The following CELSR3 variants were observed in gnomAD, a reference collection of about 807,000 sequenced individuals.
CELSR3 encodes the protein EGF-like protein 1.
CELSR3 carries 73 observed loss-of-function variants against 270.0 expected under a neutral mutation model. That is an observed-to-expected ratio of 0.27 (90% CI 0.22 to 0.33). The LOEUF (loss-of-function observed/expected upper bound fraction) is 0.33, where lower values mean the gene tolerates loss of function less well. CELSR3 is among the 10% of genes least tolerant of loss of function. The pLI is 1.00. For missense variants in CELSR3, 3,614 were observed against 4,533.8 expected (o/e 0.80, Z 5.83); for synonymous variants, 1,780 against 1,905.4 (o/e 0.93, Z 1.71).
rs555440516 is a variant in CELSR3, at chr3:48,642,778, C to T, written c.8513G>A (p.Arg2838Gln). ...VSSVSSARSG[R>Q]TQDQDSQRGR... is the part of the protein sequence containing the mutation. ...CCGCTGGCTGTCCTGGTCCTGGGTC[C>T]GGCCGGAGCGGGCACTGCTCACAGA... The change falls in exon 30 of 35, where the codon CGG becomes CAG. Residue 2838 changes from arginine to glutamine, a missense_variant. Coordinates refer to ENST00000164024, the MANE Select transcript of CELSR3 (RefSeq NM_001407.3). This position sits in a 1 kb window ranked among gnomAD's most constrained non-coding sequence, Gnocchi z 6.1. 2.4e-5 allele frequency: 39 copies of T among 1,612,514 alleles called. No individual in the cohort carries two copies. The highest frequency in any genetic ancestry group is 1.3e-4 in the South Asian group (12 of 91,076).
chr3:48,645,928 A>G lies in CELSR3; in HGVS notation c.7464-60T>C, dbSNP rs2047079033. ...CCAGTGTCAGGCAGGGGTTTGTGAG[A>G]GATCATGGGAAGGGCTGAGGGTGCC... On this transcript the variant is annotated intron_variant, in intron 22 of 34. Transcript: ENST00000164024. This position sits in a 1 kb window ranked among gnomAD's most constrained non-coding sequence, Gnocchi z 5.4. 2 of 1,576,330 alleles carry G rather than the reference A, an allele frequency of 1.3e-6. No individual in the cohort carries two copies. The highest frequency in any genetic ancestry group is 2.3e-5 in the South Asian group (2 of 88,822).
Position 48,657,495 on chromosome 3 carries a change from G to A in CELSR3, c.3749-147C>T. The A allele has an allele frequency of 1.2e-6, 1 of 815,494 alleles. No individual in the cohort carries two copies. The highest frequency in any genetic ancestry group is 1.9e-6 in the Non-Finnish European group (1 of 535,162). The allele number at this position is 815,494 out of a possible 1,614,324, so 50.5% of individuals were successfully genotyped here. A position where few individuals can be genotyped will look rare whatever the true frequency, so the allele number is the denominator to read the frequency against. On this transcript the variant is annotated intron_variant, in intron 1 of 34. Coordinates refer to ENST00000164024, the MANE Select transcript of CELSR3 (RefSeq NM_001407.3). This position sits in a 1 kb window ranked among gnomAD's most constrained non-coding sequence, Gnocchi z 5.4. ...CCCACCAGGACACAAGGGAGTCTGG[G>A]GCTAGTGACCACCAGCTCCCCCAGC...
rs1274910573 is a variant in CELSR3 at position 48,659,533 on chromosome 3, C to G, written c.3102G>C (p.Glu1034Asp). The G allele has an allele frequency of 1.9e-6, 3 of 1,614,222 alleles. No homozygotes were observed. The highest frequency in any genetic ancestry group is 2.5e-6 in the Non-Finnish European group (3 of 1,180,044). The change falls in exon 1 of 35, where the codon GAG becomes GAC. Residue 1034 changes from glutamate to aspartate, a missense_variant. Transcript: ENST00000164024. This position sits in a 1 kb window ranked among gnomAD's most constrained non-coding sequence, Gnocchi z 8.1. ...CTCTGTCCACTGCGTAGGCAGTCAA[C>G]TCATACACTGATACTGCCTCCCGGT... ...RLDREAVSVY[E>D]LTAYAVDRGV...
In CELSR3 at chr3:48,645,462, A is replaced by G; in HGVS notation, c.7778T>C (p.Ile2593Thr). ...CTGCACCTGATTGTGGGTCCTGTGAATCCCCAGCAGGAAGAGGAGCTCTGC... is the reference window on the plus strand; with the variant it reads ...CTGCACCTGATTGTGGGTCCTGTGAGTCCCCAGCAGGAAGAGGAGCTCTGC... The part of the protein sequence containing the change: ...GVAELLFLLG[I>T]HRTHNQLVCT... Residue 2593 changes from isoleucine (I) to threonine (T), a missense_variant, in exon 24 of 35, where the codon ATT (isoleucine) becomes ACT (threonine). Coordinates refer to ENST00000164024, the MANE Select transcript of CELSR3 (RefSeq NM_001407.3). The surrounding 1 kb of genome is among the most constrained non-coding windows in gnomAD (Gnocchi z 5.4). 1 of 1,612,812 alleles carries G rather than the reference A, an allele frequency of 6.2e-7. No individual in the cohort carries two copies. The highest frequency in any genetic ancestry group is 8.5e-7 in the Non-Finnish European group (1 of 1,179,988).
Position 48,642,224 on chromosome 3 carries a change from T to A in CELSR3, c.8665+134A>T. On this transcript the variant is annotated intron_variant, in intron 31 of 34. Transcript: ENST00000164024. The surrounding 1 kb of genome is among the most constrained non-coding windows in gnomAD (Gnocchi z 6.1). Reference sequence around the variant, plus strand: ...GGAGAACCAGGGCTGGAGAGGTAGGTGCCTCCTGAGGCAGGGACCCTGGGG... The same window carrying A: ...GGAGAACCAGGGCTGGAGAGGTAGGAGCCTCCTGAGGCAGGGACCCTGGGG... 1 of 991,252 alleles carries A rather than the reference T, an allele frequency of 1.0e-6. No individual in the cohort carries two copies. Among genetic ancestry groups the A allele is most frequent in the South Asian group, 1.7e-5 (1 of 59,094 alleles). The allele number at this position is 991,252 out of a possible 1,614,324, so 61.4% of individuals were successfully genotyped here. A position where few individuals can be genotyped will look rare whatever the true frequency, so the allele number is the denominator to read the frequency against.
At chr3:48,643,423 G>A in intron 28 of CELSR3, 131 bp downstream of exon 28, 1 of 1,285,152 alleles carries the variant, frequency 7.8e-7, no homozygotes, top group East Asian at 2.6e-5. Context: ...CTGGTCTGGG[G>A]TAGTACCCAG....
At position 48,662,581 on chromosome 3, in the gene CELSR3, T is replaced by A. The variant is rs769791880; in HGVS notation, c.54A>T (p.Ile18=). The A allele has an allele frequency of 1.4e-5, 22 of 1,527,494 alleles. No individual in the cohort carries two copies. In the South Asian group the frequency reaches 2.4e-4, roughly 16 times the overall value. The allele number at this position is 1,527,494 out of a possible 1,614,324, so 94.6% of individuals were successfully genotyped here. A position where few individuals can be genotyped will look rare whatever the true frequency, so the allele number is the denominator to read the frequency against. ...ACAAAGAGAGGAGAAGGAGCAGGAG[T>A]ATGGGGGTCGACCGTCCCCCGAGGC... ...WRGLGGRSTP[I]LLLLLLSLFP... The change falls in exon 1 of 35, where the codon ATA becomes ATT. Residue 18 remains isoleucine (I), a synonymous_variant. Transcript: ENST00000164024. The surrounding 1 kb of genome is among the most constrained non-coding windows in gnomAD (Gnocchi z 7.1).
Position 48,646,645 on chromosome 3 carries a change from G to T in CELSR3, c.7295+118C>A. 9.4e-7 allele frequency: 1 copy of T among 1,061,468 alleles called. No individual in the cohort carries two copies. The highest frequency in any genetic ancestry group is 1.4e-6 in the Non-Finnish European group (1 of 736,704). 65.8% of individuals were successfully genotyped at this position (1,061,468 alleles called of 1,614,324 possible). A position where few individuals can be genotyped will look rare whatever the true frequency, so the allele number is the denominator to read the frequency against. On this transcript the variant is annotated intron_variant, in intron 21 of 34. Coordinates refer to ENST00000164024, the MANE Select transcript of CELSR3 (RefSeq NM_001407.3). The surrounding 1 kb of genome is among the most constrained non-coding windows in gnomAD (Gnocchi z 4.8). The stretch of plus-strand genomic sequence containing the variant: ...ATTCACACAGAACCCGGCAAGGATG[G>T]GGCTCCCTGGAGCTGTGCTCCTCTC...
In CELSR3 at chr3:48,653,091, G is replaced by GCCAC; in HGVS notation, c.5541_5544dup (p.His1849ValfsTer28). On this transcript the variant is annotated frameshift_variant, in exon 10 of 35. Transcript: ENST00000164024. LOFTEE classifies it high-confidence loss of function. This position sits in a 1 kb window ranked among gnomAD's most constrained non-coding sequence, Gnocchi z 6.5. Reference sequence around the variant, plus strand: ...TCCTGCAACTCCAGCCGCAGATCGTGCCACCGGCCATCACTGACAGTCACC... The same window carrying GCCAC: ...TCCTGCAACTCCAGCCGCAGATCGTGCCACCCACCGGCCATCACTGACAGTCACC... The GCCAC allele has an allele frequency of 6.2e-7, 1 of 1,613,336 alleles. No individual in the cohort carries two copies. The highest frequency in any genetic ancestry group is 8.5e-7 in the Non-Finnish European group (1 of 1,180,004).
chr3:48,654,993 A>C lies in CELSR3; in HGVS notation c.4988+51T>G. On this transcript the variant is annotated intron_variant, in intron 6 of 34. Transcript: ENST00000164024. This position sits in a 1 kb window ranked among gnomAD's most constrained non-coding sequence, Gnocchi z 5.4. ...TGAGGAATGGGATGTGAAGGGTTGG[A>C]GTGGGCTTTGGTAGGCAGGGGACAA... The C allele has an allele frequency of 6.4e-7, 1 of 1,552,212 alleles. No individual in the cohort carries two copies. Among genetic ancestry groups the C allele is most frequent in the South Asian group, 1.1e-5 (1 of 89,614 alleles).
Position 48,650,833 on chromosome 3 carries a change from G to A in CELSR3, c.6370+59C>T, listed in dbSNP as rs754039980. The A allele has an allele frequency of 1.5e-4, 225 of 1,549,146 alleles. No homozygotes were observed. Among genetic ancestry groups the A allele is most frequent in the Non-Finnish European group, 1.8e-4 (203 of 1,140,818 alleles). On this transcript the variant is annotated intron_variant, in intron 15 of 34. Transcript: ENST00000164024. This position sits in a 1 kb window ranked among gnomAD's most constrained non-coding sequence, Gnocchi z 5.1. ...AAGGAGCCATGTGTGCCACTGACAC[G>A]TGATGGTGGCACACTGGAACCAGCC...
At position 48,637,711 on chromosome 3, in the gene CELSR3, A is replaced by G. The variant is rs2046984906; in HGVS notation, c.*494T>C. 1 of 153,754 alleles carries G rather than the reference A, an allele frequency of 6.5e-6. No individual in the cohort carries two copies. Among genetic ancestry groups the G allele is most frequent in the Admixed American group, 6.5e-5 (1 of 15,426 alleles). 9.5% of individuals were successfully genotyped at this position (153,754 alleles called of 1,614,324 possible). On this transcript the variant is annotated 3_prime_UTR_variant, in exon 35 of 35. Transcript: ENST00000164024. ...AGAAGTTTGGCCTTTGGAGCATTCA[A>G]TAAAAAGCAAAGAACAATTCTGTAC... is the stretch of plus-strand genomic sequence containing the variant.
In CELSR3 at chr3:48,655,224, C is replaced by G; in HGVS notation, c.4831-23G>C. The G allele has an allele frequency of 6.2e-7, 1 of 1,614,022 alleles. No individual in the cohort carries two copies. The highest frequency in any genetic ancestry group is 1.1e-5 in the South Asian group (1 of 91,080). The stretch of plus-strand genomic sequence containing the variant: ...GGGCTGAAGACGCAGGCACACCAGT[C>G]AACAGTGCCCCCAGTAACCCCTGAG... On this transcript the variant is annotated intron_variant, in intron 5 of 34. Transcript: ENST00000164024. This position sits in a 1 kb window ranked among gnomAD's most constrained non-coding sequence, Gnocchi z 5.8.
rs1457014696 is a variant in CELSR3 at position 48,662,572 on chromosome 3, G to T, written c.63C>A (p.Leu21=). ...TGAGGGGGAACAAAGAGAGGAGAAG[G>T]AGCAGGAGTATGGGGGTCGACCGTC... ...LGGRSTPILL[L]LLLSLFPLSQ... Residue 21 remains leucine (L), a synonymous_variant, in exon 1 of 35, where the codon CTC becomes CTA. Transcript: ENST00000164024. The surrounding 1 kb of genome is among the most constrained non-coding windows in gnomAD (Gnocchi z 7.1). 2.0e-5 allele frequency: 31 copies of T among 1,560,496 alleles called. No homozygotes were observed. Among genetic ancestry groups the T allele is most frequent in the Non-Finnish European group, 2.7e-5 (31 of 1,152,652 alleles).
chr3:48,642,405 T>C lies in CELSR3; in HGVS notation c.8618A>G (p.His2873Arg), dbSNP rs377671673. ...CACGTCCAGGTCAGTGGGGCCAGCATGAGCCTGGAGGCTGTGGTCAGTGTG... is the reference window on the plus strand; with the variant it reads ...CACGTCCAGGTCAGTGGGGCCAGCACGAGCCTGGAGGCTGTGGTCAGTGTG... ...ADHTDHSLQA[H>R]AGPTDLDVAM... is the part of the protein sequence containing the mutation. Residue 2873 changes from histidine (H) to arginine (R), a missense_variant, in exon 31 of 35, where the codon CAT (histidine) becomes CGT (arginine). Physicochemically the swap from His to Arg is conservative, Grantham distance 29. Transcript: ENST00000164024. This position sits in a 1 kb window ranked among gnomAD's most constrained non-coding sequence, Gnocchi z 6.1. 3.7e-6 allele frequency: 6 copies of C among 1,613,164 alleles called. No homozygotes were observed. The African/African-American group carries it at 8.0e-5, about 22-fold the overall frequency.
Position 48,642,995 on chromosome 3 carries a change from G to A in CELSR3, c.8378C>T (p.Pro2793Leu), listed in dbSNP as rs1331340088. 1 of 1,612,744 alleles carries A rather than the reference G, an allele frequency of 6.2e-7. No homozygotes were observed. Among genetic ancestry groups the A allele is most frequent in the South Asian group, 1.1e-5 (1 of 91,062 alleles). The change falls in exon 29 of 35, where the codon CCT (proline) becomes CTT (leucine). Residue 2793 changes from proline (P) to leucine (L), a missense_variant. Pro to Leu is a moderately conservative substitution (Grantham distance 98, BLOSUM62 -3). This residue lies in a region of CELSR3 where 1,240 missense variants were observed against 1,351.7 expected (regional missense o/e 0.92). Coordinates refer to ENST00000164024, the MANE Select transcript of CELSR3 (RefSeq NM_001407.3). The surrounding 1 kb of genome is among the most constrained non-coding windows in gnomAD (Gnocchi z 6.1). ...CCCAGGTGCTGGCCTTGCCTCCTCA[G>A]GCGCTGCCTTCCTGCCCAGACAGGC... is the stretch of plus-strand genomic sequence containing the variant. ...MPACLGRKAA[P>L]EEARPAPGLG...
Position 48,661,490 on chromosome 3 carries a change from C to A in CELSR3, c.1145G>T (p.Ser382Ile), listed in dbSNP as rs149661492. 3 of 1,603,770 alleles carry A rather than the reference C, an allele frequency of 1.9e-6. No individual in the cohort carries two copies. The Admixed American group carries it at 5.1e-5, about 27-fold the overall frequency. The part of the protein sequence containing the change: ...SLELFSIDPQ[S>I]GLIRTAAALD... ...AGCTGCCGCCGTACGGATAAGGCCGCTCTGCGGGTCGATGCTGAACAGCTC... is the reference window on the plus strand; with the variant it reads ...AGCTGCCGCCGTACGGATAAGGCCGATCTGCGGGTCGATGCTGAACAGCTC... The change falls in exon 1 of 35, where the codon AGC becomes ATC. Residue 382 changes from serine to isoleucine, a missense_variant. Ser to Ile is a moderately radical substitution (Grantham distance 142). This residue lies in a region of CELSR3 where 354 missense variants were observed against 500.9 expected (regional missense o/e 0.71). Transcript: ENST00000164024.
In CELSR3 at chr3:48,646,300, C is replaced by T; in HGVS notation, c.7296-43G>A. 12 of 1,567,408 alleles carry T rather than the reference C, an allele frequency of 7.7e-6. No individual in the cohort carries two copies. The highest frequency in any genetic ancestry group is 1.0e-5 in the Non-Finnish European group (12 of 1,152,208). Reference sequence around the variant, plus strand: ...TGGGCTTACGCACTGCTGACCTCCCCATGCTCAGCCTGCTTGCCTCACCCC... The same window carrying T: ...TGGGCTTACGCACTGCTGACCTCCCTATGCTCAGCCTGCTTGCCTCACCCC... On this transcript the variant is annotated intron_variant, in intron 21 of 34. Coordinates refer to ENST00000164024, the MANE Select transcript of CELSR3 (RefSeq NM_001407.3). The surrounding 1 kb of genome is among the most constrained non-coding windows in gnomAD (Gnocchi z 4.8).
rs754639711 is a variant in CELSR3, at chr3:48,644,004, G to C, written c.8165+212C>G. 3.0e-5 allele frequency: 18 copies of C among 593,052 alleles called. No individual in the cohort carries two copies. The highest frequency in any genetic ancestry group is 5.1e-5 in the Non-Finnish European group (17 of 333,688). The allele number at this position is 593,052 out of a possible 1,614,324, so 36.7% of individuals were successfully genotyped here. ...TGGGAGACTCTGGGGGGACCCAGAG[G>C]ACAAGGAGAGACAGCAGGGCAGAAG... On this transcript the variant is annotated intron_variant, in intron 27 of 34. Transcript: ENST00000164024. The surrounding 1 kb of genome is among the most constrained non-coding windows in gnomAD (Gnocchi z 4.8).
Sources: allele counts gnomAD v4.1 joint callset, GRCh38; gene constraint gnomAD v4.1.1; regional missense constraint gnomAD v4.1.1; non-coding constraint Gnocchi (gnomAD v3.1); transcripts MANE v1.5; gene names NCBI Gene and HGNC (gene_info 2026-07-23, HGNC 2026-07-21).